Variants in FBXO17 observed in about 807,000 individuals in gnomAD.
The protein encoded by FBXO17 is F-box protein 17.
A neutral mutation model predicts 34.1 loss-of-function variants in FBXO17; 43 were observed. The ratio of observed to expected loss-of-function variants is 1.26; its 90% CI spans 0.99 to 1.62. The LOEUF is 1.62. FBXO17 is among the 40% of genes most tolerant of loss of function. The pLI, the probability that FBXO17 is intolerant of heterozygous loss-of-function variation, is 0.00. For synonymous variants in FBXO17, 169 were observed against 166.0 expected, an observed-to-expected ratio of 1.02 and a Z score of -0.14; for missense variants, 424 against 386.7, an observed-to-expected ratio of 1.10 and a Z score of -0.81.
chr19:38,944,848 A>G, intron 5 of FBXO17, 121 bp downstream of exon 5: 1 of 1,398,404 alleles, frequency 7.2e-7, no homozygotes, highest in Admixed American at 2.2e-5. Context: ...AGGGCTCGAT[A>G]CTTCTTAGCT....
chr19:38,958,271 G>A (rs1975196418), intron 1 of FBXO17, among the ~76,000 whole-genome samples: 1 of 150,914 alleles, frequency 6.6e-6, no homozygotes, highest in African/African-American at 2.4e-5. Flanking sequence ...TTAGCCAGGT[G>A]TGGTGGCATG....
At chr19:38,948,473 G>A in intron 3 of FBXO17, 94 bp downstream of exon 3, 1 of 851,780 alleles carries the variant, frequency 1.2e-6, no homozygotes, top group Non-Finnish European at 1.9e-6. Flanking sequence ...GGAAGGAGAG[G>A]GTGAAGGTGA....
At chr19:38,949,541 T>G (rs1975038575) in intron 2 of FBXO17, among the ~76,000 whole-genome samples, 1 of 152,006 alleles carries the variant, frequency 6.6e-6, no homozygotes, top group African/African-American at 2.4e-5. Flanking sequence ...ACCATTTTTT[T>G]TTTTTTTTGA....
chr19:38,952,625 A>T (rs369923295), intron 1 of FBXO17: 4 of 534,102 alleles, frequency 7.5e-6, no homozygotes, highest in South Asian at 4.2e-5. Context: ...TCTTCTCCCT[A>T]ATTTTAGCTC....
At position 38,941,546 on chromosome 19, in the gene FBXO17, G is replaced by GGAAATAAAGGGATGGGCT. The variant is rs1266927347; in HGVS notation, c.*1044_*1061dup. 6.6e-6 allele frequency: 1 copy of GGAAATAAAGGGATGGGCT among 152,174 alleles called. No individual in the cohort carries two copies. The highest frequency in any genetic ancestry group is 1.5e-5 in the Non-Finnish European group (1 of 68,034). 9.4% of individuals were successfully genotyped at this position (152,174 alleles called of 1,614,324 possible). Reference sequence around the variant, plus strand: ...AGATTAACTAAAAACATTTCTTACAGGAAATAAAGGGATGGGCTGAAATAA... The same window carrying GGAAATAAAGGGATGGGCT: ...AGATTAACTAAAAACATTTCTTACAGGAAATAAAGGGATGGGCTGAAATAAAGGGATGGGCTGAAATAA... On this transcript the variant is annotated 3_prime_UTR_variant, in exon 6 of 6. Transcript: ENST00000292852.
chr19:38,971,092 C>A (rs1475291197), intron 1 of FBXO17, among the ~76,000 whole-genome samples: 1 of 107,306 alleles, frequency 9.3e-6, no homozygotes, highest in Non-Finnish European at 1.8e-5. Context: ...AAGGAGAGTC[C>A]ATCTCAAAAA....
rs1172896572 is a variant in FBXO17, at chr19:38,966,819, CTT to C, written c.-18+8765_-18+8766del. Among the ~76,000 whole-genome samples, 5 of 152,222 alleles carry C rather than the reference CTT, an allele frequency of 3.3e-5. No individual in the cohort carries two copies. In the East Asian group the frequency reaches 7.7e-4, roughly 23 times the overall value. On this transcript the variant is annotated intron_variant, in intron 1 of 5. Transcript: ENST00000292852. ...TACGGGTTTTCTTGGGAAAAAGACT[CTT>C]TTCAACAAATGGTGCTGGGACAACT...
chr19:38,966,810 A>G (rs1975327369), intron 1 of FBXO17, among the ~76,000 whole-genome samples: 1 of 152,150 alleles, frequency 6.6e-6, no homozygotes, highest in African/African-American at 2.4e-5. Context: ...TTTTCTTGGG[A>G]AAAAGACTCT....
At chr19:38,957,077 G>A (rs1229221223) in intron 1 of FBXO17, among the ~76,000 whole-genome samples, 1 of 152,008 alleles carries the variant, frequency 6.6e-6, no homozygotes, top group African/African-American at 2.4e-5. Flanking sequence ...CAAAGACCAA[G>A]CTGTGCTTTT....
At position 38,966,629 on chromosome 19, in the gene FBXO17, T is replaced by A. The variant is rs574059194; in HGVS notation, c.-18+8957A>T. ...AATCCAAAGAAATGGATTGGATGAG[T>A]TACTAACAGAAAAACGCCTCTTTCA... On this transcript the variant is annotated intron_variant, in intron 1 of 5. Coordinates refer to ENST00000292852, the MANE Select transcript of FBXO17 (RefSeq NM_024907.7). Among the ~76,000 whole-genome samples the A allele has an allele frequency of 2.6e-5, 4 of 152,010 alleles. No individual in the cohort carries two copies. The East Asian group carries it at 7.7e-4, about 29-fold the overall frequency.
chr19:38,968,428 G>A (rs1975348446), intron 1 of FBXO17, among the ~76,000 whole-genome samples: 1 of 151,152 alleles, frequency 6.6e-6, no homozygotes, highest in African/African-American at 2.4e-5. Flanking sequence ...CCAGGCTGCA[G>A]TGAGCTATGA....
chr19:38,950,395 C>A, intron 1 of FBXO17, 59 bp from the exon 2 acceptor site: 2 of 1,388,166 alleles, frequency 1.4e-6, no homozygotes, highest in Non-Finnish European at 1.9e-6. Context: ...CCCTCCCTAC[C>A]TTGTCCCCCA....
chr19:38,961,809 C>T (rs1454708128), intron 1 of FBXO17, among the ~76,000 whole-genome samples: 1 of 151,700 alleles, frequency 6.6e-6, no homozygotes. Context: ...ATTACAGGTG[C>T]GCACCACCAC....
chr19:38,949,920 CT>C, intron 2 of FBXO17, 50 bp downstream of exon 2: 1 of 1,453,734 alleles, frequency 6.9e-7, no homozygotes, highest in Non-Finnish European at 9.0e-7. Context: ...CCGCCCCCGC[CT>C]CGCTCGCGCG....
rs767029675 is a variant in FBXO17, at chr19:38,942,617, A to G, written c.828T>C (p.Arg276=). The G allele has an allele frequency of 4.2e-5, 66 of 1,576,984 alleles. No homozygotes were observed. The highest frequency in any genetic ancestry group is 9.8e-5 in the Admixed American group (5 of 51,208). ...VTHSSVRVRI[R]LS ...GGCAGTAGTCCAGTCGCTAGGACAG[A>G]CGGATCCTGACCCTCACACTGGAGT... The change falls in exon 6 of 6, where the codon CGT becomes CGC. Residue 276 remains arginine, a synonymous_variant. Coordinates refer to ENST00000292852, the MANE Select transcript of FBXO17 (RefSeq NM_024907.7).
At chr19:38,963,099 A>G (rs1052768431) in intron 1 of FBXO17, among the ~76,000 whole-genome samples, 2 of 152,144 alleles carry the variant, frequency 1.3e-5, no homozygotes, top group Non-Finnish European at 2.9e-5. Context: ...TCTGTATATT[A>G]AACAATCGCT....
At chr19:38,959,135 C>T (rs1471454738) in intron 1 of FBXO17, among the ~76,000 whole-genome samples, 4 of 150,514 alleles carry the variant, frequency 2.7e-5, no homozygotes, top group Non-Finnish European at 4.4e-5. Context: ...CTGGTCTCTT[C>T]CTGGGCTCAA....
Sources: allele counts gnomAD v4.1 joint callset (sites outside exome capture counted in the v4.1 genomes callset), GRCh38; gene constraint gnomAD v4.1.1; transcripts MANE v1.5; gene names NCBI Gene and HGNC (gene_info 2026-07-23, HGNC 2026-07-21).